Variants in ANK3 observed in about 807,000 individuals in gnomAD.
The protein encoded by ANK3 is ankyrin-3.
Under a neutral mutation model 370.9 loss-of-function variants are expected in ANK3, and 57 were observed. That is an observed-to-expected ratio of 0.15 (90% confidence interval 0.12 to 0.19). ANK3 has a LOEUF of 0.19. Among genes scored for constraint, ANK3 ranks in the 10% least tolerant of loss-of-function variants. The probability of loss-of-function intolerance (pLI) is 1.00; values close to 1 mark genes in which losing one functional copy is unlikely to be tolerated. For missense variants in ANK3, 4,439 were observed against 5,302.1 expected (o/e 0.84, Z 5.06); for synonymous variants, 1,929 against 1,946.3 (o/e 0.99, Z 0.23).
rs529233594 is a variant in ANK3, at chr10:60,679,996, G to A, written c.57+53267C>T. 4.0e-5 allele frequency among the ~76,000 whole-genome samples: 6 copies of A among 151,828 alleles called. No individual in the cohort carries two copies. The South Asian group carries it at 6.3e-4, about 16-fold the overall frequency. On this transcript the variant is annotated intron_variant, in intron 1 of 43. Coordinates refer to the ANK3 transcript ENST00000373827. ...CTAAAAATACAAAAATTAGCCAGGC[G>A]TGGTGGTGGGCACCTGCAGTCCCGG... is the stretch of plus-strand genomic sequence containing the variant.
At chr10:60,104,129 C>T (rs7923481) in intron 28 of ANK3, among the ~76,000 whole-genome samples, 5,130 of 152,018 alleles carry the variant, frequency 0.034, 171 homozygotes, top group African/African-American at 0.084. Context: ...CTAGTAGGTA[C>T]TAGGCTTTGA....
chr10:60,051,158 G>A (rs2077907147), intron 42 of ANK3, among the ~76,000 whole-genome samples: 1 of 152,048 alleles, frequency 6.6e-6, no homozygotes, highest in South Asian at 2.1e-4. Context: ...ATGAACTACT[G>A]TGTCACCAAG....
intron 28 of ANK3, among the ~76,000 whole-genome samples, chr10:60,104,821 G>A (rs1037744156): frequency 8.5e-5 from 13 of 152,050 alleles, no homozygotes; most frequent in Admixed American, 5.9e-4. Context: ...TATGTAACAA[G>A]GACTGTATTT....
intron 2 of ANK3, among the ~76,000 whole-genome samples, chr10:60,552,813 G>C (rs545810300): frequency 3.3e-5 from 5 of 152,106 alleles, no homozygotes; most frequent in African/African-American, 1.2e-4. Flanking sequence ...GGACGGACCC[G>C]GTGGCAGATG....
At chr10:60,711,609 A>G (rs1023508122) in intron 1 of ANK3, among the ~76,000 whole-genome samples, 2 of 152,108 alleles carry the variant, frequency 1.3e-5, no homozygotes, top group African/African-American at 2.4e-5. Context: ...TAATAAATAC[A>G]TAATGGCAAT....
intron 25 of ANK3, among the ~76,000 whole-genome samples, chr10:60,129,405 C>T (rs950833728): frequency 9.9e-5 from 15 of 152,094 alleles, no homozygotes; most frequent in African/African-American, 3.6e-4. Flanking sequence ...AATTGCATGC[C>T]CAGTCTCTAC....
intron 7 of ANK3, among the ~76,000 whole-genome samples, chr10:60,247,614 T>C (rs967173349): frequency 2.6e-5 from 4 of 152,158 alleles, no homozygotes; most frequent in Non-Finnish European, 5.9e-5. Context: ...AGTGCAATCA[T>C]AGTATTTGTC....
chr10:60,630,858 G>A (rs1414997335), intron 1 of ANK3, among the ~76,000 whole-genome samples: 3 of 152,146 alleles, frequency 2.0e-5, no homozygotes, highest in African/African-American at 7.2e-5. Flanking sequence ...ACAATGGATT[G>A]CACAGAGGGA....
intron 1 of ANK3, among the ~76,000 whole-genome samples, chr10:60,655,633 C>T (rs10761543): frequency 0.67 from 102,117 of 151,336 alleles, 34,604 homozygotes; most frequent in South Asian, 0.83. Context: ...AAGGTTAATT[C>T]ATTATTAAAA....
chr10:60,719,707 G>T (rs888848324), intron 1 of ANK3, among the ~76,000 whole-genome samples: 4 of 152,040 alleles, frequency 2.6e-5, no homozygotes, highest in African/African-American at 9.7e-5. Flanking sequence ...ATATGTACAA[G>T]TTCTTTGCAT....
intron 1 of ANK3, among the ~76,000 whole-genome samples, chr10:60,729,602 C>T (rs375794005): frequency 1.3e-5 from 2 of 152,226 alleles, no homozygotes; most frequent in Admixed American, 6.5e-5. Flanking sequence ...AAAATGACAG[C>T]GCCAAAGCAT....
intron 2 of ANK3, among the ~76,000 whole-genome samples, chr10:60,595,898 T>C (rs540339639): frequency 6.6e-6 from 1 of 152,276 alleles, no homozygotes; most frequent in South Asian, 2.1e-4. Context: ...GCCAAGGTAG[T>C]TTCATTTTCC....
chr10:60,503,552 G>A (rs1051608115), intron 2 of ANK3, among the ~76,000 whole-genome samples: 8 of 152,104 alleles, frequency 5.3e-5, no homozygotes, highest in African/African-American at 1.7e-4. Context: ...TGGAGTTTGG[G>A]CTGTTGATCA....
intron 1 of ANK3, among the ~76,000 whole-genome samples, chr10:60,342,635 A>C (rs2054521087): frequency 6.6e-6 from 1 of 152,136 alleles, no homozygotes; most frequent in Admixed American, 6.6e-5. Flanking sequence ...TCTTGGGTCG[A>C]AGTCAGGGCT....
intron 2 of ANK3, among the ~76,000 whole-genome samples, chr10:60,459,392 T>C (rs943989921): frequency 7.2e-5 from 11 of 152,168 alleles, no homozygotes; most frequent in African/African-American, 2.7e-4. Flanking sequence ...CTGTACTAAC[T>C]AGGAACTTCA....
intron 42 of ANK3, among the ~76,000 whole-genome samples, chr10:60,052,783 C>T (rs1170284228): frequency 2.0e-5 from 3 of 151,686 alleles, no homozygotes; most frequent in African/African-American, 7.3e-5. Flanking sequence ...CTAATAGTCC[C>T]AGAGACAGAA....
intron 1 of ANK3, among the ~76,000 whole-genome samples, chr10:60,732,542 TC>T (rs2080038284): frequency 6.6e-6 from 1 of 152,118 alleles, no homozygotes; most frequent in Admixed American, 6.5e-5. Context: ...CTCTCGGAGA[TC>T]GGAGATCGAA....
At chr10:60,716,231 A>G (rs924307168) in intron 1 of ANK3, among the ~76,000 whole-genome samples, 3 of 152,200 alleles carry the variant, frequency 2.0e-5, no homozygotes, top group Non-Finnish European at 2.9e-5. Context: ...TTAAAAAATT[A>G]ACTTTCTTGC....
Position 60,049,567 on chromosome 10 carries a change from C to G in ANK3, c.13065+6091G>C, listed in dbSNP as rs1468881116. Among the ~76,000 whole-genome samples the G allele has an allele frequency of 3.3e-5, 5 of 152,144 alleles. No homozygotes were observed. In the Middle Eastern group the frequency reaches 0.01, roughly 310 times the overall value. ...ACACCACTGCACTCCAGCCTGGCCA[C>G]AGAGCAAGACTCTGTCTCAAAAAAA... On this transcript the variant is annotated intron_variant, in intron 42 of 43. Transcript: ENST00000280772.
Sources: gnomAD v4.1 joint callset for allele counts (sites outside exome capture counted in the v4.1 genomes callset) on GRCh38, gnomAD v4.1.1 for gene constraint, MANE v1.5 for transcripts, NCBI Gene and HGNC (gene_info 2026-07-23, HGNC 2026-07-21) for gene names.